The following SMC2 variants were observed in gnomAD, a reference collection of about 807,000 sequenced individuals.
The protein encoded by SMC2 is structural maintenance of chromosomes 2.
A neutral mutation model predicts 142.6 loss-of-function variants in SMC2; 41 were observed. The observed-to-expected ratio is 0.29, with a 90% CI of 0.22 to 0.37. SMC2 has a LOEUF of 0.37. SMC2 is among the 10% of genes least tolerant of loss of function. The pLI, the probability that SMC2 is intolerant of heterozygous loss-of-function variation, is 1.00. For synonymous variants in SMC2, 463 were observed against 457.5 expected (o/e 1.01, Z -0.15); for missense variants, 1,265 against 1,373.7 (o/e 0.92, Z 1.25).
chr9:104,099,017 T>C (rs1222458981), intron 4 of SMC2, among the ~76,000 whole-genome samples: 2 of 152,200 alleles, frequency 1.3e-5, no homozygotes, highest in East Asian at 3.9e-4. Context: ...GAGAGAATTA[T>C]AGTAAAGTCG....
chr9:104,129,569 A>G, intron 20 of SMC2, 76 bp from the exon 21 acceptor site: 3 of 1,120,112 alleles, frequency 2.7e-6, no homozygotes, highest in Admixed American at 2.0e-5. Context: ...AAAGTATTAA[A>G]TAGTTAAGAA....
At chr9:104,112,031 A>G (rs1832511882) in intron 10 of SMC2, among the ~76,000 whole-genome samples, 2 of 152,258 alleles carry the variant, frequency 1.3e-5, no homozygotes, top group African/African-American at 2.4e-5. Context: ...GCTGTACTAC[A>G]TAAATTATCT....
chr9:104,133,634 CAG>C (rs1218523578), intron 22 of SMC2, among the ~76,000 whole-genome samples: 1 of 152,106 alleles, frequency 6.6e-6, no homozygotes, highest in Non-Finnish European at 1.5e-5. Flanking sequence ...TCTTTGAAGA[CAG>C]ATGGCCAAAT....
chr9:104,090,104 A>C (rs4743684), upstream of SMC2, among the ~76,000 whole-genome samples: 79,287 of 152,040 alleles, frequency 0.52, 21,460 homozygotes, highest in African/African-American at 0.55. Context: ...GTAAATGAGA[A>C]GACCTCCTCC....
intron 4 of SMC2, 32 bp downstream of exon 4, chr9:104,098,600 G>C (rs750164954): frequency 1.3e-6 from 2 of 1,563,052 alleles, no homozygotes; most frequent in Non-Finnish European, 8.6e-7. Context: ...TATCACTTTC[G>C]TAATAGTTTC....
chr9:104,126,595 G>C (rs774144585), intron 18 of SMC2, 46 bp from the exon 19 acceptor site: 1 of 1,438,576 alleles, frequency 7.0e-7, no homozygotes, highest in Non-Finnish European at 9.5e-7. Context: ...TTGTTTTTCA[G>C]TAGTTAATAA....
rs1835940601 is a variant in SMC2 at position 104,140,153 on chromosome 9, C to A, written c.*838C>A. On this transcript the variant is annotated 3_prime_UTR_variant, in exon 25 of 25. Coordinates refer to ENST00000374793, the MANE Select transcript of SMC2 (RefSeq NM_006444.3). ...CAGTCATTAACAACCTATTGGTAAA[C>A]AAGAATGTAGGTGCCAGTAGACTAA... 1.3e-5 allele frequency: 2 copies of A among 151,966 alleles called. No individual in the cohort carries two copies. Among genetic ancestry groups the A allele is most frequent in the South Asian group, 4.1e-4 (2 of 4,824 alleles). 9.4% of individuals were successfully genotyped at this position (151,966 alleles called of 1,614,324 possible). A position where few individuals can be genotyped will look rare whatever the true frequency, so the allele number is the denominator to read the frequency against.
intron 18 of SMC2, among the ~76,000 whole-genome samples, chr9:104,126,075 T>C (rs925570474): frequency 1.3e-5 from 2 of 152,172 alleles, no homozygotes; most frequent in African/African-American, 4.8e-5. Flanking sequence ...GACCCTTTTC[T>C]GAACTGTGCA....
chr9:104,101,857 G>T, intron 7 of SMC2, 103 bp from the exon 8 acceptor site: 3 of 694,300 alleles, frequency 4.3e-6, no homozygotes, highest in Non-Finnish European at 7.3e-6. Flanking sequence ...TTTAATACAG[G>T]ACAAAATCTA....
At chr9:104,102,239 G>T (rs545916395) in intron 8 of SMC2, 46 bp downstream of exon 8, 18 of 1,210,436 alleles carry the variant, frequency 1.5e-5, no homozygotes, top group Non-Finnish European at 2.0e-5. Context: ...TGTGAAAAAC[G>T]TACTAAATTA....
intron 9 of SMC2, among the ~76,000 whole-genome samples, chr9:104,106,097 T>G (rs1307266030): frequency 2.6e-4 from 40 of 152,212 alleles, no homozygotes; most frequent in Admixed American, 2.6e-3. Flanking sequence ...ATAGGCCATC[T>G]TGATATCCTT....
intron 19 of SMC2, 53 bp downstream of exon 19, chr9:104,126,837 A>G: frequency 6.7e-7 from 1 of 1,502,712 alleles, no homozygotes; most frequent in Non-Finnish European, 9.0e-7. Flanking sequence ...CTTTTTATGA[A>G]ACATTAGCTT....
At position 104,113,313 on chromosome 9, in the gene SMC2, C is replaced by T. The variant is rs757550304; in HGVS notation, c.1255-3C>T. 5 of 1,596,148 alleles carry T rather than the reference C, an allele frequency of 3.1e-6. No individual in the cohort carries two copies. The South Asian group carries it at 4.6e-5, about 15-fold the overall frequency. On this transcript the variant is annotated splice_region_variant and splice_polypyrimidine_tract_variant and intron_variant, in intron 10 of 24. Transcript: ENST00000374793. Reference sequence around the variant, plus strand: ...TATGGTCTGTTGCATTTTTCTGCCACAGGCTCAGATGAAGTTGAAGCATGC... The same window carrying T: ...TATGGTCTGTTGCATTTTTCTGCCATAGGCTCAGATGAAGTTGAAGCATGC...
At chr9:104,111,884 G>T in intron 10 of SMC2, 70 bp downstream of exon 10, 1 of 1,103,326 alleles carries the variant, frequency 9.1e-7, no homozygotes, top group Non-Finnish European at 1.3e-6. Flanking sequence ...TTATGCTTTG[G>T]CAATTGTTAC....
chr9:104,092,717 T>C (rs972460000), upstream of SMC2: 1 of 152,204 alleles, frequency 6.6e-6, no homozygotes, highest in Non-Finnish European at 1.5e-5. Flanking sequence ...ATACAACTTA[T>C]TTTACTCCCT....
At position 104,139,504 on chromosome 9, in the gene SMC2, G is replaced by T; in HGVS notation, c.*189G>T. 2.3e-6 allele frequency: 1 copy of T among 439,894 alleles called. No individual in the cohort carries two copies. The highest frequency in any genetic ancestry group is 4.0e-6 in the Non-Finnish European group (1 of 251,830). 27.2% of individuals were successfully genotyped at this position (439,894 alleles called of 1,614,324 possible). ...CTCATCTCTTAACTAGTCTAATTAT[G>T]GTCCAATTATTGTGGTTGTGATTTT... On this transcript the variant is annotated 3_prime_UTR_variant, in exon 25 of 25. Transcript: ENST00000374793.
chr9:104,118,161 T>C lies in SMC2; in HGVS notation c.1792-10T>C. On this transcript the variant is annotated splice_polypyrimidine_tract_variant and intron_variant, in intron 14 of 24. Transcript: ENST00000374793. ...GTATGTACTGTGGCATATCTGTTGT[T>C]GTCCCACAGGTTGGCCCTGACAACG... The C allele has an allele frequency of 6.2e-7, 1 of 1,612,570 alleles. No homozygotes were observed. Among genetic ancestry groups the C allele is most frequent in the Non-Finnish European group, 8.5e-7 (1 of 1,178,730 alleles).
rs541242165 is a variant in SMC2 at position 104,127,255 on chromosome 9, C to G, written c.2596-31C>G. 91 of 1,491,776 alleles carry G rather than the reference C, an allele frequency of 6.1e-5. 2 individuals carry two copies. In the South Asian group the frequency reaches 1.1e-3, roughly 19 times the overall value. The allele number at this position is 1,491,776 out of a possible 1,614,324, so 92.4% of individuals were successfully genotyped here. ...TTAAAATTATTTACATGTTACCTCACCACATATTTTCTTTAATTTTTTTGT... is the reference window on the plus strand; with the variant it reads ...TTAAAATTATTTACATGTTACCTCAGCACATATTTTCTTTAATTTTTTTGT... On this transcript the variant is annotated intron_variant, in intron 19 of 24. Transcript: ENST00000374793.
chr9:104,093,860 C>T (rs941671038), upstream of SMC2, among the ~76,000 whole-genome samples: 8 of 133,568 alleles, frequency 6.0e-5, no homozygotes, highest in Non-Finnish European at 8.1e-5. Context: ...TCTGAGCCAA[C>T]CCGAGAAGAT....
Sources: allele counts gnomAD v4.1 joint callset (sites outside exome capture counted in the v4.1 genomes callset), GRCh38; gene constraint gnomAD v4.1.1; transcripts MANE v1.5; gene names NCBI Gene and HGNC (gene_info 2026-07-23, HGNC 2026-07-21).